The following ZNF221 variants were observed in gnomAD, a reference collection of about 807,000 sequenced individuals.
The protein encoded by ZNF221 is zinc finger protein 221.
A neutral mutation model predicts 12.6 loss-of-function variants in ZNF221; 10 were observed. The observed-to-expected ratio is 0.79, with a 90% CI of 0.49 to 1.34. ZNF221 has a LOEUF of 1.34. ZNF221 is among the 40% of genes most tolerant of loss of function. ZNF221 has a pLI of 0.00. For missense variants in ZNF221, 661 were observed against 721.4 expected (o/e 0.92, Z 0.96); for synonymous variants, 232 against 244.0 (o/e 0.95, Z 0.46).
At chr19:43,960,525 G>T (rs1230906448) in intron 1 of ZNF221, among the ~76,000 whole-genome samples, 1 of 152,212 alleles carries the variant, frequency 6.6e-6, no homozygotes, top group African/African-American at 2.4e-5. Flanking sequence ...ATGGGAAAAA[G>T]ACCTGGAAGA....
chr19:43,964,473 C>T (rs1047880967), intron 2 of ZNF221, among the ~76,000 whole-genome samples: 9 of 152,182 alleles, frequency 5.9e-5, no homozygotes, highest in African/African-American at 2.2e-4. Context: ...CTGTCCCACA[C>T]AGGTCACCAT....
rs73567660 is a variant in ZNF221, at chr19:43,956,020, T to C, written c.-3+4620T>C. ...TGTCAAGATTTTTAATGTCTTTCAGTCATAGGGCTAGCCTCAGTTAATGCC... is the reference window on the plus strand; with the variant it reads ...TGTCAAGATTTTTAATGTCTTTCAGCCATAGGGCTAGCCTCAGTTAATGCC... On this transcript the variant is annotated intron_variant, in intron 1 of 4. Transcript: ENST00000587682. 3.0e-3 allele frequency among the ~76,000 whole-genome samples: 456 copies of C among 152,346 alleles called. 4 individuals are homozygous for C. The highest frequency in any genetic ancestry group is 0.01 in the African/African-American group (418 of 41,580).
At chr19:43,969,996 C>T (rs1277498011), downstream of ZNF221, among the ~76,000 whole-genome samples, 4 of 152,186 alleles carry the variant, frequency 2.6e-5, no homozygotes. Context: ...TAGACACCTC[C>T]TACAGGAGTC....
chr19:43,956,535 T>G (rs1168523445), intron 1 of ZNF221, among the ~76,000 whole-genome samples: 1 of 147,186 alleles, frequency 6.8e-6, no homozygotes, highest in Non-Finnish European at 1.5e-5. Flanking sequence ...ACACTGAGAG[T>G]CAGCAGGAGG....
At chr19:43,959,977 C>CTT (rs34866568) in intron 1 of ZNF221, among the ~76,000 whole-genome samples, 99 of 148,766 alleles carry the variant, frequency 6.7e-4, no homozygotes, top group Middle Eastern at 6.9e-3. Context: ...AAACTTGGAA[C>CTT]TTTTTTTTTT....
At position 43,965,783 on chromosome 19, in the gene ZNF221, A is replaced by C. The variant is rs1974934631; in HGVS notation, c.302-21A>C. 8 of 1,559,900 alleles carry C rather than the reference A, an allele frequency of 5.1e-6. No individual in the cohort carries two copies. The East Asian group carries it at 1.6e-4, about 31-fold the overall frequency. On this transcript the variant is annotated intron_variant, in intron 4 of 4. Transcript: ENST00000587682. ...AATAGGGCTTCACTTGCCCACATAT[A>C]TTAATTCTGTGTCTTTTTAGGAGGC...
the ZNF221 span, among the ~76,000 whole-genome samples, chr19:43,981,069 C>T: frequency 2.0e-5 from 3 of 151,628 alleles, no homozygotes; most frequent in Non-Finnish European, 2.9e-5. Context: ...ATAGCAAGAC[C>T]TTGTTCTAAA....
the ZNF221 span, among the ~76,000 whole-genome samples, chr19:43,975,996 A>G: frequency 6.6e-5 from 10 of 152,136 alleles, no homozygotes; most frequent in African/African-American, 2.4e-4. Flanking sequence ...AGACCACTGC[A>G]TATTGTACAA....
intron 2 of ZNF221, among the ~76,000 whole-genome samples, 170 bp from the exon 3 acceptor site, chr19:43,964,780 T>C (rs1269103897): frequency 6.6e-6 from 1 of 152,240 alleles, no homozygotes; most frequent in Non-Finnish European, 1.5e-5. Flanking sequence ...AAAATCTGCG[T>C]GTGTCATTGT....
chr19:43,977,537 A>T, the ZNF221 span: 1 of 152,236 alleles, frequency 6.6e-6, no homozygotes, highest in African/African-American at 2.4e-5. Context: ...AGCAAATCCT[A>T]GTGACAGAAA....
Position 43,966,008 on chromosome 19 carries a change from C to G in ZNF221, c.506C>G (p.Pro169Arg). The G allele has an allele frequency of 6.2e-7, 1 of 1,614,224 alleles. No individual in the cohort carries two copies. Among genetic ancestry groups the G allele is most frequent in the Non-Finnish European group, 8.5e-7 (1 of 1,180,026 alleles). Residue 169 changes from proline (P) to arginine (R), a missense_variant, in exon 5 of 5, where the codon CCT becomes CGT. Physicochemically the swap from Pro to Arg is moderately radical, Grantham distance 103. Transcript: ENST00000587682. ...TCTATAAGTCACGTGCAACAGAAAC[C>G]TTACCGTTGTAATGAATGTAAACAG... ...RLSISHVQQK[P>R]YRCNECKQSF...
At chr19:43,969,548 C>T (rs951416787), downstream of ZNF221, among the ~76,000 whole-genome samples, 2 of 152,000 alleles carry the variant, frequency 1.3e-5, no homozygotes, top group Non-Finnish European at 2.9e-5. Flanking sequence ...AGGGTTTCAC[C>T]GTGTTGGCCA....
At chr19:43,962,438 C>T (rs1232115500) in intron 1 of ZNF221, among the ~76,000 whole-genome samples, 1 of 152,196 alleles carries the variant, frequency 6.6e-6, no homozygotes, top group Non-Finnish European at 1.5e-5. Flanking sequence ...GGTTTTTAGA[C>T]TGGCTTCTTT....
At chr19:43,975,072 A>G in the ZNF221 span, among the ~76,000 whole-genome samples, 1 of 152,124 alleles carries the variant, frequency 6.6e-6, no homozygotes, top group African/African-American at 2.4e-5. Context: ...TTGGGGAGAA[A>G]AAGGAATGCT....
chr19:43,952,503 CGTACACCACATGGTAGCTCT>C (rs762336985), intron 1 of ZNF221, among the ~76,000 whole-genome samples: 18 of 152,196 alleles, frequency 1.2e-4, no homozygotes, highest in Non-Finnish European at 2.5e-4. Context: ...AAGAAATTCA[CGTACACCACATGGTAGCTCT>C]GTGGAGAGGT....
intron 1 of ZNF221, among the ~76,000 whole-genome samples, chr19:43,958,306 A>T (rs1265825384): frequency 1.3e-5 from 2 of 152,244 alleles, no homozygotes; most frequent in Non-Finnish European, 2.9e-5. Context: ...CCCCTTAGCC[A>T]CAGCATTTAC....
chr19:43,955,239 C>T (rs1974736667), intron 1 of ZNF221, among the ~76,000 whole-genome samples: 1 of 151,996 alleles, frequency 6.6e-6, no homozygotes, highest in Non-Finnish European at 1.5e-5. Context: ...CATCACTTGC[C>T]AGCTACACTC....
the ZNF221 span, among the ~76,000 whole-genome samples, chr19:43,980,073 T>A: frequency 6.6e-6 from 1 of 152,212 alleles, no homozygotes; most frequent in Non-Finnish European, 1.5e-5. Context: ...TTGCTCTGAT[T>A]TGTGCTTCAG....
At chr19:43,970,437 T>A (rs1975073260), downstream of ZNF221, among the ~76,000 whole-genome samples, 1 of 152,106 alleles carries the variant, frequency 6.6e-6, no homozygotes, top group Admixed American at 6.5e-5. Flanking sequence ...CTGACAGAAG[T>A]AGGCCTCAGA....
Sources: gnomAD v4.1 joint callset for allele counts (sites outside exome capture counted in the v4.1 genomes callset) on GRCh38, gnomAD v4.1.1 for gene constraint, MANE v1.5 for transcripts, NCBI Gene and HGNC (gene_info 2026-07-23, HGNC 2026-07-21) for gene names.